Variants in CYP3A43 observed in about 807,000 individuals in gnomAD.
CYP3A43 encodes cytochrome P450 3A43.
Under a neutral mutation model 58.0 loss-of-function variants are expected in CYP3A43, and 45 were observed. The ratio of observed to expected loss-of-function variants is 0.78; its 90% CI spans 0.61 to 0.99. The LOEUF (loss-of-function observed/expected upper bound fraction) is 0.99, where lower values mean the gene tolerates loss of function less well. Ranked by LOEUF, CYP3A43 falls within the 50% of genes least tolerant of loss-of-function variation. The pLI, the probability that CYP3A43 is intolerant of heterozygous loss-of-function variation, is 0.00. For missense variants in CYP3A43, 593 were observed against 591.9 expected (o/e 1.00, Z -0.02); for synonymous variants, 191 against 201.4 (o/e 0.95, Z 0.44).
intron 4 of CYP3A43, among the ~76,000 whole-genome samples, chr7:99,847,116 C>T (rs577547451): frequency 2.0e-5 from 3 of 152,208 alleles, no homozygotes; most frequent in East Asian, 1.9e-4. Context: ...TCTGCCAAGG[C>T]GACCTGCCTA....
chr7:99,852,527 C>T (rs1210497001), intron 7 of CYP3A43, among the ~76,000 whole-genome samples: 1 of 152,020 alleles, frequency 6.6e-6, no homozygotes, highest in Non-Finnish European at 1.5e-5. Context: ...TAATGTTATT[C>T]CTGATAAGTG....
At chr7:99,830,333 C>T (rs1445685228) in intron 1 of CYP3A43, among the ~76,000 whole-genome samples, 11 of 152,226 alleles carry the variant, frequency 7.2e-5, no homozygotes, top group Admixed American at 6.5e-4. Flanking sequence ...GCCTGGTCAA[C>T]ATGATGAAAC....
At chr7:99,861,533 C>A in intron 10 of CYP3A43, 80 bp from the exon 11 acceptor site, 1 of 1,223,826 alleles carries the variant, frequency 8.2e-7, no homozygotes, top group Non-Finnish European at 1.2e-6. Flanking sequence ...GAGCTCCTAA[C>A]ACTTCAATAG....
At chr7:99,847,419 C>G (rs1817577052) in intron 4 of CYP3A43, 69 bp from the exon 5 acceptor site, 1 of 1,515,994 alleles carries the variant, frequency 6.6e-7, no homozygotes, top group Admixed American at 1.9e-5. Flanking sequence ...GCCTGTTTAA[C>G]ACATTTTCTA....
chr7:99,849,955 A>AT (rs71515286), intron 7 of CYP3A43: 23,332 of 356,846 alleles, frequency 0.065, 400 homozygotes, highest in African/African-American at 0.1. Context: ...CTTCCTCACC[A>AT]TTTTTTTTTT....
At chr7:99,843,712 C>T (rs1048291778) in intron 3 of CYP3A43, among the ~76,000 whole-genome samples, 7 of 152,138 alleles carry the variant, frequency 4.6e-5, no homozygotes, top group African/African-American at 9.7e-5. Flanking sequence ...GTGATCCACC[C>T]ACCTCGGCCT....
intron 7 of CYP3A43, among the ~76,000 whole-genome samples, chr7:99,854,089 A>G (rs1584230116): frequency 6.6e-6 from 1 of 152,240 alleles, no homozygotes; most frequent in African/African-American, 2.4e-5. Context: ...TTGTGCTATC[A>G]AACCATAGGT....
intron 2 of CYP3A43, 29 bp downstream of exon 2, chr7:99,836,575 C>A (rs747777515): frequency 4.0e-6 from 6 of 1,514,646 alleles, no homozygotes; most frequent in African/African-American, 1.4e-5. Flanking sequence ...CCCTCTTTTG[C>A]TTCTTATCGA....
chr7:99,849,938 T>C, intron 7 of CYP3A43: 1 of 550,508 alleles, frequency 1.8e-6, no homozygotes, highest in Non-Finnish European at 3.4e-6. Flanking sequence ...CATCATCCCC[T>C]TCCAATCTTC....
intron 7 of CYP3A43, among the ~76,000 whole-genome samples, chr7:99,854,503 CTGA>C (rs1817897783): frequency 6.6e-6 from 1 of 152,124 alleles, no homozygotes; most frequent in Non-Finnish European, 1.5e-5. Context: ...CCGCGCCCGG[CTGA>C]TGATATTTTC....
chr7:99,859,786 C>G (rs893890071), intron 9 of CYP3A43, 44 bp from the exon 10 acceptor site: 4 of 1,612,204 alleles, frequency 2.5e-6, no homozygotes, highest in African/African-American at 2.7e-5. Context: ...CTGTGATGCT[C>G]TACACTAACC....
intron 4 of CYP3A43, among the ~76,000 whole-genome samples, chr7:99,844,491 A>G (rs575211777): frequency 2.6e-5 from 4 of 152,168 alleles, no homozygotes; most frequent in African/African-American, 4.8e-5. Flanking sequence ...GTGTGGGTGT[A>G]TATGTGTGTG....
rs17342647 is a variant in CYP3A43, at chr7:99,861,633, C to T, written c.1047C>T (p.Ala349=). ...CCCAGGCACCTGTCACCTACGATGC[C>T]CTGGTACAGATGGAGTACCTTGACA... is the stretch of plus-strand genomic sequence containing the variant. The part of the protein sequence containing the change: ...LPNKAPVTYD[A]LVQMEYLDMV... Residue 349 remains alanine, a synonymous_variant, in exon 11 of 13, where the codon GCC becomes GCT. Transcript: ENST00000354829. The T allele has an allele frequency of 0.098, 158,436 of 1,613,754 alleles. 9,083 individuals are homozygous for T. Among genetic ancestry groups the T allele is most frequent in the Non-Finnish European group, 0.12 (138,212 of 1,179,764 alleles).
At chr7:99,848,363 G>T (rs1817619868) in intron 6 of CYP3A43, 109 bp downstream of exon 6, 2 of 1,204,680 alleles carry the variant, frequency 1.7e-6, no homozygotes, top group Admixed American at 4.2e-5. Flanking sequence ...ACAAAAGCAG[G>T]GCTGTGGTGT....
At chr7:99,855,049 AT>A (rs34683236) in intron 7 of CYP3A43, among the ~76,000 whole-genome samples, 20,088 of 151,904 alleles carry the variant, frequency 0.13, 2,578 homozygotes, top group African/African-American at 0.34. Context: ...TGCCCGGCTA[AT>A]TTTTGTATCA....
intron 3 of CYP3A43, among the ~76,000 whole-genome samples, chr7:99,842,346 C>T (rs986497755): frequency 6.6e-6 from 1 of 152,126 alleles, no homozygotes; most frequent in South Asian, 2.1e-4. Flanking sequence ...TGAGGAACTT[C>T]CCATGCTTAT....
chr7:99,857,609 G>A lies in CYP3A43; in HGVS notation c.865+710G>A, dbSNP rs142662196. Among the ~76,000 whole-genome samples, 647 of 152,276 alleles carry A rather than the reference G, an allele frequency of 4.2e-3. 4 individuals are homozygous for A. The highest frequency in any genetic ancestry group is 0.014 in the African/African-American group (598 of 41,546). On this transcript the variant is annotated intron_variant, in intron 9 of 12. Transcript: ENST00000354829. ...TGTAATCTCAGCACTTTGGGAGGCCGAGGCAGGTGGATCACCTAGGGTCAG... is the reference window on the plus strand; with the variant it reads ...TGTAATCTCAGCACTTTGGGAGGCCAAGGCAGGTGGATCACCTAGGGTCAG...
rs1377623460 is a variant in CYP3A43, at chr7:99,863,519, G to T, written c.1254-18G>T. ...TTATGTTTCATTAACTAGTTTTTATGTACTACTGTGAAAGTAGGTTCAGTA... is the reference window on the plus strand; with the variant it reads ...TTATGTTTCATTAACTAGTTTTTATTTACTACTGTGAAAGTAGGTTCAGTA... On this transcript the variant is annotated intron_variant, in intron 11 of 12. Transcript: ENST00000354829. The T allele has an allele frequency of 1.3e-6, 2 of 1,579,428 alleles. No homozygotes were observed. Among genetic ancestry groups the T allele is most frequent in the African/African-American group, 2.7e-5 (2 of 73,408 alleles).
chr7:99,860,109 C>A, intron 10 of CYP3A43, 119 bp downstream of exon 10: 2 of 1,268,380 alleles, frequency 1.6e-6, no homozygotes, highest in Non-Finnish European at 2.2e-6. Context: ...TTCATTTACA[C>A]TATGCAGAAA....
Sources: allele counts gnomAD v4.1 joint callset (sites outside exome capture counted in the v4.1 genomes callset), GRCh38; gene constraint gnomAD v4.1.1; transcripts MANE v1.5; gene names NCBI Gene and HGNC (gene_info 2026-07-23, HGNC 2026-07-21).